The following ASGR1 variants were observed in gnomAD, a reference collection of about 807,000 sequenced individuals.
ASGR1 encodes the protein C-type lectin domain family 4 member H1.
ASGR1 carries 35 observed loss-of-function variants against 33.1 expected under a neutral mutation model. The observed-to-expected ratio is 1.06, with a 90% CI of 0.81 to 1.40. The LOEUF is 1.40. Ranked by LOEUF, ASGR1 falls within the 40% of genes most tolerant of loss-of-function variation. The pLI is 0.00. For missense variants in ASGR1, 396 were observed against 373.7 expected (o/e 1.06, Z -0.49); for synonymous variants, 142 against 152.5 (o/e 0.93, Z 0.51).
Position 7,173,643 on chromosome 17 carries a change from G to A in ASGR1, c.*16C>T. The A allele has an allele frequency of 6.2e-7, 1 of 1,612,136 alleles. No homozygotes were observed. The highest frequency in any genetic ancestry group is 1.3e-5 in the African/African-American group (1 of 75,010). ...TCCCGGACCCCTGCGGCAGGTCGAG[G>A]CATTGAAGAAATAAATTAAAGGAGA... On this transcript the variant is annotated 3_prime_UTR_variant, in exon 9 of 9. Transcript: ENST00000269299. The surrounding 1 kb of genome is among the most constrained non-coding windows in gnomAD (Gnocchi z 4.7).
In ASGR1 at chr17:7,173,855, G is replaced by A; in HGVS notation, c.702-22C>T. 8 of 1,607,382 alleles carry A rather than the reference G, an allele frequency of 5.0e-6. No individual in the cohort carries two copies. The highest frequency in any genetic ancestry group is 6.8e-6 in the Non-Finnish European group (8 of 1,177,438). On this transcript the variant is annotated intron_variant, in intron 8 of 8. Coordinates refer to ENST00000269299, the MANE Select transcript of ASGR1 (RefSeq NM_001671.5). The surrounding 1 kb of genome is among the most constrained non-coding windows in gnomAD (Gnocchi z 4.7). Reference sequence around the variant, plus strand: ...GTTCCTGGGGACAGAGCCAGCTGTGGGCCCCAGGAGGTCGGATCCGCAGGC... The same window carrying A: ...GTTCCTGGGGACAGAGCCAGCTGTGAGCCCCAGGAGGTCGGATCCGCAGGC...
intron 2 of ASGR1, 82 bp downstream of exon 2, chr17:7,178,412 C>T (rs868300471): frequency 1.4e-6 from 2 of 1,410,148 alleles, no homozygotes; most frequent in Non-Finnish European, 2.0e-6. Context: ...GCCAGGCTCA[C>T]GGGCAAGAGT....
chr17:7,173,624 AC>A lies in ASGR1; in HGVS notation c.*34del. The A allele has an allele frequency of 6.2e-7, 1 of 1,610,940 alleles. No homozygotes were observed. Among genetic ancestry groups the A allele is most frequent in the African/African-American group, 1.3e-5 (1 of 74,928 alleles). ...CAGATGGGCGGATTCCCAATCCCGG[AC>A]CCCTGCGGCAGGTCGAGGCATTGAA... On this transcript the variant is annotated 3_prime_UTR_variant, in exon 9 of 9. Coordinates refer to ENST00000269299, the MANE Select transcript of ASGR1 (RefSeq NM_001671.5). The surrounding 1 kb of genome is among the most constrained non-coding windows in gnomAD (Gnocchi z 4.7).
At chr17:7,176,426 G>A (rs964025125) in intron 5 of ASGR1, among the ~76,000 whole-genome samples, 3 of 128,310 alleles carry the variant, frequency 2.3e-5, no homozygotes, top group African/African-American at 6.3e-5. Flanking sequence ...GACACACTCC[G>A]TCATTCTCAC....
In ASGR1 at chr17:7,173,791, C is replaced by CCCGTGG; in HGVS notation, c.738_743dup (p.His247_Gly248dup). 1 of 1,612,550 alleles carries CCCGTGG rather than the reference C, an allele frequency of 6.2e-7. No individual in the cohort carries two copies. The highest frequency in any genetic ancestry group is 8.5e-7 in the Non-Finnish European group (1 of 1,179,886). ...GGGCACAGTCCTCGCCTCCTCCGAG[C>CCCGTGG]CCGTGGCCGTACCAGTCGTCCGGCT... On this transcript the variant is annotated inframe_insertion, in exon 9 of 9. Transcript: ENST00000269299. This position sits in a 1 kb window ranked among gnomAD's most constrained non-coding sequence, Gnocchi z 4.7.
Position 7,175,660 on chromosome 17 carries a change from CACAT to C in ASGR1, c.355+1166_355+1169del, listed in dbSNP as rs552714231. On this transcript the variant is annotated intron_variant, in intron 5 of 8. Coordinates refer to ENST00000269299, the MANE Select transcript of ASGR1 (RefSeq NM_001671.5). ...TCACATACACTGACACATTCTCACACACATAAACACAGACTCACATTCGCACACA... is the reference window on the plus strand; with the variant it reads ...TCACATACACTGACACATTCTCACACAAACACAGACTCACATTCGCACACA... Among the ~76,000 whole-genome samples, 125 of 151,706 alleles carry C rather than the reference CACAT, an allele frequency of 8.2e-4. 1 individual carries two copies. Among genetic ancestry groups the C allele is most frequent in the Non-Finnish European group, 4.1e-4 (28 of 67,900 alleles).
chr17:7,176,271 TCACA>T (rs2069205403), intron 5 of ASGR1, among the ~76,000 whole-genome samples: 1 of 91,876 alleles, frequency 1.1e-5, no homozygotes, highest in Non-Finnish European at 2.2e-5. Flanking sequence ...TCACACTCAC[TCACA>T]CACCCCATCT....
At chr17:7,175,392 AACACACCCTCACACAGGCAC>A (rs1294272567) in intron 5 of ASGR1, among the ~76,000 whole-genome samples, 1 of 146,348 alleles carries the variant, frequency 6.8e-6, no homozygotes, top group Non-Finnish European at 1.5e-5. Flanking sequence ...CAAAAACCAC[AACACACCCTCACACAGGCAC>A]ACACACCCTC....
chr17:7,175,750 C>T (rs528954595), intron 5 of ASGR1, among the ~76,000 whole-genome samples: 93 of 150,558 alleles, frequency 6.2e-4, no homozygotes, highest in African/African-American at 2.3e-3. Flanking sequence ...CACAAACACC[C>T]ATCCACACTC....
chr17:7,176,625 C>T (rs2069215372), intron 5 of ASGR1: 1 of 664,512 alleles, frequency 1.5e-6, no homozygotes, highest in Non-Finnish European at 2.6e-6. Flanking sequence ...GACATACACA[C>T]TCCCTCTCAT....
intron 5 of ASGR1, chr17:7,176,516 C>T (rs578211010): frequency 2.2e-6 from 1 of 460,046 alleles, no homozygotes; most frequent in Admixed American, 4.1e-5. Flanking sequence ...GACACACACC[C>T]CCTCTCATTC....
chr17:7,178,380 G>A, intron 2 of ASGR1, 114 bp downstream of exon 2: 2 of 1,105,222 alleles, frequency 1.8e-6, no homozygotes, highest in Non-Finnish European at 1.4e-6. Context: ...TGTTGGGGGA[G>A]GGAGACAGAC....
intron 2 of ASGR1, 95 bp from the exon 3 acceptor site, chr17:7,177,421 T>A: frequency 1.0e-6 from 1 of 976,946 alleles, no homozygotes; most frequent in Non-Finnish European, 1.5e-6. Context: ...GCGGCCCTAG[T>A]AGTCTAGGAG....
chr17:7,176,792 TCACACACACA>T lies in ASGR1; in HGVS notation c.355+28_355+37del, dbSNP rs71361405. ...CACATCCACACATTCTCACTCTCTT[TCACACACACA>T]CACACACACACACACTCCCTCTCTG... is the stretch of plus-strand genomic sequence containing the variant. On this transcript the variant is annotated intron_variant, in intron 5 of 8. Coordinates refer to ENST00000269299, the MANE Select transcript of ASGR1 (RefSeq NM_001671.5). 1,574 of 1,475,130 alleles carry T rather than the reference TCACACACACA, an allele frequency of 1.1e-3. 2 individuals carry two copies. The highest frequency in any genetic ancestry group is 1.4e-3 in the Non-Finnish European group (1,472 of 1,073,416). 91.4% of individuals were successfully genotyped at this position (1,475,130 alleles called of 1,614,324 possible). A position where few individuals can be genotyped will look rare whatever the true frequency, so the allele number is the denominator to read the frequency against.
intron 6 of ASGR1, 23 bp downstream of exon 6, chr17:7,174,351 G>A: frequency 6.2e-7 from 1 of 1,613,930 alleles, no homozygotes; most frequent in Non-Finnish European, 8.5e-7. Flanking sequence ...GAGGCAGAGA[G>A]CGGGCCGGGC....
chr17:7,178,266 GC>G, intron 2 of ASGR1: 1 of 558,454 alleles, frequency 1.8e-6, no homozygotes, highest in East Asian at 2.9e-5. Context: ...ACCTCCGAGG[GC>G]CAGGAGGCAC....
intron 5 of ASGR1, chr17:7,176,506 GACAC>G (rs918568167): frequency 2.5e-5 from 9 of 366,010 alleles, no homozygotes; most frequent in South Asian, 1.1e-4. Context: ...CTCACACTCA[GACAC>G]ACACCCCCTC....
At position 7,173,603 on chromosome 17, in the gene ASGR1, T is replaced by G; in HGVS notation, c.*56A>C. On this transcript the variant is annotated 3_prime_UTR_variant, in exon 9 of 9. Coordinates refer to ENST00000269299, the MANE Select transcript of ASGR1 (RefSeq NM_001671.5). The surrounding 1 kb of genome is among the most constrained non-coding windows in gnomAD (Gnocchi z 4.7). ...CGAGAAAGCAGAAGAGGCCCCCAGA[T>G]GGGCGGATTCCCAATCCCGGACCCC... 1 of 1,607,012 alleles carries G rather than the reference T, an allele frequency of 6.2e-7. No homozygotes were observed. Among genetic ancestry groups the G allele is most frequent in the East Asian group, 2.2e-5 (1 of 44,830 alleles).
At chr17:7,175,253 A>T (rs2069182914) in intron 5 of ASGR1, among the ~76,000 whole-genome samples, 1 of 148,976 alleles carries the variant, frequency 6.7e-6, no homozygotes, top group Admixed American at 6.7e-5. Flanking sequence ...CACAACATAC[A>T]CCCTCACACA....
Sources: gnomAD v4.1 joint callset for allele counts (sites outside exome capture counted in the v4.1 genomes callset) on GRCh38, gnomAD v4.1.1 for gene constraint, Gnocchi (gnomAD v3.1) non-coding constraint, MANE v1.5 for transcripts, NCBI Gene and HGNC (gene_info 2026-07-23, HGNC 2026-07-21) for gene names.